Variants in ZNF69 observed in about 807,000 individuals in gnomAD.
ZNF69 encodes zinc finger protein 69.
In ZNF69, 47 loss-of-function variants were observed where a neutral mutation model predicts 50.9. The observed-to-expected ratio is 0.92, with a 90% CI of 0.73 to 1.18. The LOEUF (loss-of-function observed/expected upper bound fraction) is 1.18, where lower values mean the gene tolerates loss of function less well. Ranked by LOEUF, ZNF69 falls within the 50% of genes most tolerant of loss-of-function variation. ZNF69 has a pLI of 0.00. For missense variants in ZNF69, 717 were observed against 675.1 expected, an observed-to-expected ratio of 1.06 and a Z score of -0.69; for synonymous variants, 216 against 223.1, an observed-to-expected ratio of 0.97 and a Z score of 0.29.
At chr19:11,907,676 T>TAAACATGGAAAGGAACAACCGGTACC (rs1972399280), downstream of ZNF69, among the ~76,000 whole-genome samples, 1 of 152,146 alleles carries the variant, frequency 6.6e-6, no homozygotes, top group African/African-American at 2.4e-5. Flanking sequence ...AAGGAAGCAC[T>TAAACATGGAAAGGAACAACCGGTACC]AAACATGGAA....
chr19:11,915,474 C>G (rs770676519), downstream of ZNF69, among the ~76,000 whole-genome samples: 1 of 152,176 alleles, frequency 6.6e-6, no homozygotes, highest in Non-Finnish European at 1.5e-5. Context: ...TGATGCTTCA[C>G]AAAGAGCCCA....
At chr19:11,910,293 A>C (rs941428151), downstream of ZNF69, among the ~76,000 whole-genome samples, 102 of 152,356 alleles carry the variant, frequency 6.7e-4, no homozygotes, top group African/African-American at 2.3e-3. Flanking sequence ...GCTACCGATG[A>C]CTTTCTTCAC....
the ZNF69 span, chr19:11,965,242 G>C: frequency 1.2e-6 from 2 of 1,613,702 alleles, no homozygotes; most frequent in Non-Finnish European, 1.7e-6. Flanking sequence ...GTCCCGAGAC[G>C]GGGTAGAGGC....
the ZNF69 span, among the ~76,000 whole-genome samples, chr19:11,925,907 A>G: frequency 1.3e-5 from 2 of 152,214 alleles, no homozygotes; most frequent in African/African-American, 2.4e-5. Flanking sequence ...TATTCATTTC[A>G]GAGAGACAGG....
the ZNF69 span, among the ~76,000 whole-genome samples, chr19:11,966,880 G>A: frequency 6.6e-6 from 1 of 152,114 alleles, no homozygotes; most frequent in Non-Finnish European, 1.5e-5. Flanking sequence ...GAAAAACACA[G>A]ACTCTAGAGA....
chr19:11,898,537 C>A (rs1972177210), intron 1 of ZNF69, among the ~76,000 whole-genome samples: 1 of 151,904 alleles, frequency 6.6e-6, no homozygotes, highest in Admixed American at 6.6e-5. Context: ...AATACAGGCA[C>A]ACACCACCAC....
chr19:11,890,342 G>A lies in ZNF69; in HGVS notation c.63+2356G>A, dbSNP rs115792738. Among the ~76,000 whole-genome samples the A allele has an allele frequency of 3.2e-3, 489 of 152,308 alleles. 6 individuals are homozygous for A. The highest frequency in any genetic ancestry group is 0.011 in the African/African-American group (473 of 41,556). On this transcript the variant is annotated intron_variant, in intron 1 of 3. Transcript: ENST00000429654. ...CAGTGCACTGTGCCCCTGGTTAACCGAGAATGGAGAATGGTGATGACTTTT... is the reference window on the plus strand; with the variant it reads ...CAGTGCACTGTGCCCCTGGTTAACCAAGAATGGAGAATGGTGATGACTTTT...
At chr19:11,893,105 G>A (rs1337702053) in intron 1 of ZNF69, among the ~76,000 whole-genome samples, 3 of 152,176 alleles carry the variant, frequency 2.0e-5, no homozygotes, top group African/African-American at 7.2e-5. Context: ...GAAGTGGTGG[G>A]ATTACAGGTA....
At chr19:11,974,071 TTCTTTCTTTCTTTCTTTCTTTCTTTC>T in the ZNF69 span, among the ~76,000 whole-genome samples, 2 of 61,146 alleles carry the variant, frequency 3.3e-5, no homozygotes. Context: ...CTTCTTTCTT[TTCTTTCTTTCTTTCTTTCTTTCTTTC>T]TTTCTTTCTT....
intron 1 of ZNF69, among the ~76,000 whole-genome samples, chr19:11,896,713 T>G (rs1972130137): frequency 6.6e-6 from 1 of 152,212 alleles, no homozygotes; most frequent in South Asian, 2.1e-4. Context: ...GTGATTTTTT[T>G]GGAGTGATGC....
At chr19:11,955,638 A>G in the ZNF69 span, among the ~76,000 whole-genome samples, 5 of 152,180 alleles carry the variant, frequency 3.3e-5, no homozygotes, top group African/African-American at 7.2e-5. Flanking sequence ...AGCTTTGGGA[A>G]TGCTGCTTGG....
At chr19:11,948,866 G>A in the ZNF69 span, 1 of 1,602,362 alleles carries the variant, frequency 6.2e-7, no homozygotes, top group Non-Finnish European at 8.5e-7. Context: ...TATGAATGTA[G>A]CAAATGTGAT....
chr19:11,929,468 C>T, the ZNF69 span, among the ~76,000 whole-genome samples: 133,222 of 148,176 alleles, frequency 0.9, 60,504 homozygotes, highest in African/African-American at 0.97. Context: ...CGGCCTGACT[C>T]ATTTGTTCAA....
chr19:11,913,393 CTT>C (rs34363657), intron 4 of ZNF69: 98 of 503,826 alleles, frequency 1.9e-4, no homozygotes, highest in South Asian at 4.9e-4. Context: ...TTTTTCTTAT[CTT>C]TTTTTTTTTC....
chr19:11,949,859 G>A, the ZNF69 span: 2 of 1,613,914 alleles, frequency 1.2e-6, no homozygotes, highest in South Asian at 2.2e-5. Context: ...AAGCATGGTA[G>A]GACTCACACT....
At chr19:11,925,251 G>C in the ZNF69 span, 1 of 1,613,006 alleles carries the variant, frequency 6.2e-7, no homozygotes. Context: ...GAGGACCCCG[G>C]TACATCTGAA....
At chr19:11,925,284 G>C in the ZNF69 span, 1 of 1,611,320 alleles carries the variant, frequency 6.2e-7, no homozygotes, top group African/African-American at 1.3e-5. Context: ...GTGCGTGTGC[G>C]GGACCAGATG....
chr19:11,957,639 G>C, the ZNF69 span, among the ~76,000 whole-genome samples: 4 of 152,042 alleles, frequency 2.6e-5, no homozygotes, highest in Non-Finnish European at 4.4e-5. Context: ...GAGATCAGGA[G>C]TTCAAGACCA....
chr19:11,889,438 G>T (rs554847989), intron 1 of ZNF69, among the ~76,000 whole-genome samples: 1 of 152,096 alleles, frequency 6.6e-6, no homozygotes, highest in African/African-American at 2.4e-5. Context: ...GCCAAGAGCC[G>T]GTCACTTCAC....
Sources: gnomAD v4.1 joint callset for allele counts (sites outside exome capture counted in the v4.1 genomes callset) on GRCh38, gnomAD v4.1.1 for gene constraint, MANE v1.5 for transcripts, NCBI Gene and HGNC (gene_info 2026-07-23, HGNC 2026-07-21) for gene names.